Variants in SNRPD1 observed in about 807,000 individuals in gnomAD.
The protein encoded by SNRPD1 is small nuclear ribonucleoprotein Sm D1.
Under a neutral mutation model 14.4 loss-of-function variants are expected in SNRPD1, and 1 was observed. The observed-to-expected ratio is 0.07, with a 90% CI of 0.02 to 0.33. SNRPD1 has a LOEUF of 0.33. SNRPD1 is among the 10% of genes least tolerant of loss of function. SNRPD1 has a pLI of 1.00. For synonymous variants in SNRPD1, 42 were observed against 50.3 expected (o/e 0.83, Z 0.70); for missense variants, 52 against 146.4 (o/e 0.36, Z 3.33).
At chr18:21,621,167 C>CA (rs147493654) in intron 1 of SNRPD1, among the ~76,000 whole-genome samples, 25,815 of 146,076 alleles carry the variant, frequency 0.18, 2,295 homozygotes, top group Middle Eastern at 0.28. Flanking sequence ...GACTCTGTGT[C>CA]AAAAAAAAAA....
At chr18:21,623,980 C>A (rs777119707) in intron 3 of SNRPD1, 41 bp downstream of exon 3, 3 of 1,155,220 alleles carry the variant, frequency 2.6e-6, no homozygotes, top group Admixed American at 2.1e-5. Flanking sequence ...GAATGCTAAT[C>A]CTAATCCACA....
intron 1 of SNRPD1, among the ~76,000 whole-genome samples, chr18:21,619,408 C>G (rs2038981042): frequency 6.7e-6 from 1 of 150,116 alleles, no homozygotes; most frequent in South Asian, 2.2e-4. Flanking sequence ...TCTCGAACTT[C>G]TGACCTCAGG....
At chr18:21,628,653 G>C (rs1204572991) in intron 3 of SNRPD1, among the ~76,000 whole-genome samples, 1 of 152,024 alleles carries the variant, frequency 6.6e-6, no homozygotes, top group Non-Finnish European at 1.5e-5. Context: ...TAACTTGCTT[G>C]GATTTTATTC....
intron 3 of SNRPD1, 78 bp downstream of exon 3, chr18:21,624,017 A>C (rs2039016729): frequency 7.3e-6 from 6 of 823,398 alleles, no homozygotes. Context: ...TATTATTTGC[A>C]AACAACACAA....
intron 1 of SNRPD1, among the ~76,000 whole-genome samples, chr18:21,620,168 C>G (rs2146258280): frequency 6.6e-6 from 1 of 152,276 alleles, no homozygotes; most frequent in East Asian, 1.9e-4. Context: ...ATTGGCCAAG[C>G]TGGTCTCCAA....
At chr18:21,617,751 G>A (rs1384968154) in intron 1 of SNRPD1, among the ~76,000 whole-genome samples, 2 of 152,018 alleles carry the variant, frequency 1.3e-5, no homozygotes, top group South Asian at 2.1e-4. Context: ...GCTTGTCATC[G>A]TAGCACTTTG....
intron 1 of SNRPD1, among the ~76,000 whole-genome samples, chr18:21,621,534 G>A (rs1413333993): frequency 6.6e-6 from 1 of 151,930 alleles, no homozygotes; most frequent in Non-Finnish European, 1.5e-5. Context: ...CCAAGTAGCT[G>A]GGATTACAGG....
intron 1 of SNRPD1, among the ~76,000 whole-genome samples, chr18:21,615,645 C>T (rs547355987): frequency 3.5e-4 from 53 of 152,016 alleles, no homozygotes; most frequent in African/African-American, 1.3e-3. Flanking sequence ...AAAAAAAAAG[C>T]TCCGTATTTT....
intron 1 of SNRPD1, among the ~76,000 whole-genome samples, chr18:21,616,984 C>T (rs1009846926): frequency 6.6e-6 from 1 of 152,082 alleles, no homozygotes; most frequent in African/African-American, 2.4e-5. Flanking sequence ...CTGTGCCCAG[C>T]CTATATCTGG....
intron 1 of SNRPD1, among the ~76,000 whole-genome samples, chr18:21,619,127 G>A (rs977568216): frequency 2.6e-5 from 4 of 152,168 alleles, no homozygotes; most frequent in African/African-American, 7.2e-5. Flanking sequence ...ATTAGAAAAT[G>A]CATGCTGAAG....
At chr18:21,623,718 T>C in intron 2 of SNRPD1, 30 bp from the exon 3 acceptor site, 2 of 1,523,718 alleles carry the variant, frequency 1.3e-6, no homozygotes, top group Middle Eastern at 3.4e-4. Flanking sequence ...TGTATCATAC[T>C]AATAACTGCA....
intron 1 of SNRPD1, among the ~76,000 whole-genome samples, chr18:21,619,282 C>T (rs1434717585): frequency 6.6e-6 from 1 of 152,090 alleles, no homozygotes; most frequent in South Asian, 2.1e-4. Flanking sequence ...CAGGCTCAAG[C>T]AATTCTCCTG....
Position 21,632,725 on chromosome 18 carries a change from C to T in SNRPD1, c.*3587C>T, listed in dbSNP as rs1418923070. 1.3e-5 allele frequency: 2 copies of T among 152,294 alleles called. No individual in the cohort carries two copies. The highest frequency in any genetic ancestry group is 2.9e-5 in the Non-Finnish European group (2 of 68,126). The allele number at this position is 152,294 out of a possible 1,614,324, so 9.4% of individuals were successfully genotyped here. ...CTAGAGTTTAACATGCTTCTCTTGA[C>T]CCCTCTTCACCACCCCCTAAAAGGC... On this transcript the variant is annotated 3_prime_UTR_variant, in exon 4 of 4. Transcript: ENST00000300413.
intron 2 of SNRPD1, 91 bp from the exon 3 acceptor site, chr18:21,623,657 T>C (rs2039014596): frequency 2.2e-6 from 2 of 903,700 alleles, no homozygotes; most frequent in East Asian, 2.5e-5. Context: ...CAGTAATCTT[T>C]TGTAGTCCAG....
chr18:21,625,177 G>C (rs2039027258), intron 3 of SNRPD1, among the ~76,000 whole-genome samples: 1 of 151,560 alleles, frequency 6.6e-6, no homozygotes, highest in African/African-American at 2.4e-5. Flanking sequence ...TACCTGTCGG[G>C]GAATTGATGA....
chr18:21,612,477 GA>G, intron 1 of SNRPD1, 34 bp downstream of exon 1: 2 of 1,464,294 alleles, frequency 1.4e-6, no homozygotes, highest in Admixed American at 2.1e-5. Flanking sequence ...TGGGGGCTGT[GA>G]AGGGAGGGCT....
At chr18:21,613,265 T>G (rs1444586087) in intron 1 of SNRPD1, among the ~76,000 whole-genome samples, 1 of 152,190 alleles carries the variant, frequency 6.6e-6, no homozygotes, top group African/African-American at 2.4e-5. Context: ...GCAAGTAGAT[T>G]TGGTTTTGGT....
chr18:21,619,712 G>A (rs957347609), intron 1 of SNRPD1, among the ~76,000 whole-genome samples: 4 of 151,448 alleles, frequency 2.6e-5, no homozygotes, highest in Non-Finnish European at 4.4e-5. Context: ...CCCAAGAGGT[G>A]GAGGTTGCAT....
At chr18:21,627,689 TTA>T (rs1488440438) in intron 3 of SNRPD1, among the ~76,000 whole-genome samples, 1 of 152,152 alleles carries the variant, frequency 6.6e-6, no homozygotes, top group Non-Finnish European at 1.5e-5. Context: ...TGAAATAATT[TTA>T]GACACAAAAA....
Sources: gnomAD v4.1 joint callset for allele counts (sites outside exome capture counted in the v4.1 genomes callset) on GRCh38, gnomAD v4.1.1 for gene constraint, MANE v1.5 for transcripts, NCBI Gene and HGNC (gene_info 2026-07-23, HGNC 2026-07-21) for gene names.